The following C1orf21 variants were observed in gnomAD, a reference collection of about 807,000 sequenced individuals.
C1orf21 encodes the protein uncharacterized protein C1orf21.
A neutral mutation model predicts 18.7 loss-of-function variants in C1orf21; 3 were observed. The observed-to-expected ratio is 0.16, with a 90% CI of 0.07 to 0.42. The LOEUF (loss-of-function observed/expected upper bound fraction) is 0.42. C1orf21 is among the 10% of genes least tolerant of loss of function. The pLI, the probability that C1orf21 is intolerant of heterozygous loss-of-function variation, is 0.99. For synonymous variants in C1orf21, 41 were observed against 46.4 expected (o/e 0.88, Z 0.47); for missense variants, 104 against 143.6 (o/e 0.72, Z 1.41).
intron 2 of C1orf21, among the ~76,000 whole-genome samples, chr1:184,504,511 T>C (rs1036847684): frequency 2.6e-5 from 4 of 152,322 alleles, no homozygotes; most frequent in East Asian, 3.9e-4. Flanking sequence ...GCTTCATTCA[T>C]TCGCTCAGAG....
intron 1 of C1orf21, among the ~76,000 whole-genome samples, chr1:184,427,732 T>A (rs2101969300): frequency 6.6e-6 from 1 of 152,314 alleles, no homozygotes; most frequent in East Asian, 1.9e-4. Flanking sequence ...CTGCCTTCAA[T>A]TTCAGGCATT....
Position 184,554,684 on chromosome 1 carries a change from A to G in C1orf21, c.190-36055A>G, listed in dbSNP as rs140791049. ...ATAAAACAAACACCAATTCAAGGAA[A>G]TCTGTATAACAAATGTTTGTAAACT... On this transcript the variant is annotated intron_variant, in intron 3 of 5. Coordinates refer to ENST00000235307, the MANE Select transcript of C1orf21 (RefSeq NM_030806.4). 9.6e-3 allele frequency among the ~76,000 whole-genome samples: 1,463 copies of G among 152,348 alleles called. 25 individuals are homozygous for G. Among genetic ancestry groups the G allele is most frequent in the African/African-American group, 0.033 (1,358 of 41,568 alleles).
intron 1 of C1orf21, among the ~76,000 whole-genome samples, chr1:184,436,773 G>T (rs768287771): frequency 6.6e-6 from 1 of 152,258 alleles, no homozygotes; most frequent in Non-Finnish European, 1.5e-5. Context: ...TTTGTGCTGG[G>T]AATATGGCTG....
intron 1 of C1orf21, among the ~76,000 whole-genome samples, chr1:184,471,250 T>C (rs1404513772): frequency 6.6e-6 from 1 of 152,064 alleles, no homozygotes; most frequent in Non-Finnish European, 1.5e-5. Flanking sequence ...GAAGAAGAAA[T>C]AGGGGATCTA....
intron 1 of C1orf21, among the ~76,000 whole-genome samples, chr1:184,399,020 G>A (rs1656106634): frequency 6.6e-6 from 1 of 151,418 alleles, no homozygotes; most frequent in Admixed American, 6.6e-5. Flanking sequence ...TAGTCAGAAA[G>A]CAAATTTCCT....
chr1:184,597,571 A>G (rs1041910665), intron 4 of C1orf21, among the ~76,000 whole-genome samples: 2 of 152,058 alleles, frequency 1.3e-5, no homozygotes, highest in Non-Finnish European at 2.9e-5. Context: ...ACTCTGTGTG[A>G]TAACGTGTCT....
intron 1 of C1orf21, among the ~76,000 whole-genome samples, chr1:184,448,846 TTTCTAAG>T (rs1657072919): frequency 6.6e-6 from 1 of 152,164 alleles, no homozygotes; most frequent in Non-Finnish European, 1.5e-5. Context: ...AGTCCCTGCC[TTTCTAAG>T]TTCTAAGTTC....
chr1:184,546,538 A>T (rs1005371604), intron 3 of C1orf21, among the ~76,000 whole-genome samples: 3 of 152,202 alleles, frequency 2.0e-5, no homozygotes, highest in Admixed American at 6.5e-5. Flanking sequence ...GCCCTAATGG[A>T]TCTTACCATC....
intron 2 of C1orf21, among the ~76,000 whole-genome samples, chr1:184,497,679 T>A (rs1435195298): frequency 6.6e-6 from 1 of 152,230 alleles, no homozygotes; most frequent in Non-Finnish European, 1.5e-5. Flanking sequence ...AGAGAATTAC[T>A]TGAGCTGAAA....
At chr1:184,522,649 T>C (rs915178001) in intron 3 of C1orf21, among the ~76,000 whole-genome samples, 12 of 152,192 alleles carry the variant, frequency 7.9e-5, no homozygotes, top group African/African-American at 2.7e-4. Flanking sequence ...GATTACACTA[T>C]TAATCTAGTG....
At chr1:184,441,374 G>C (rs1656942851) in intron 1 of C1orf21, among the ~76,000 whole-genome samples, 1 of 152,206 alleles carries the variant, frequency 6.6e-6, no homozygotes, top group South Asian at 2.1e-4. Flanking sequence ...CGAAGACCTG[G>C]TTTGTCCAGA....
chr1:184,501,459 C>T (rs1024299639), intron 2 of C1orf21, among the ~76,000 whole-genome samples: 4 of 152,170 alleles, frequency 2.6e-5, no homozygotes, highest in African/African-American at 9.7e-5. Context: ...TCCGCTTAAC[C>T]TTGATTAGGG....
chr1:184,413,750 T>C (rs1388609075), intron 1 of C1orf21, among the ~76,000 whole-genome samples: 1 of 152,174 alleles, frequency 6.6e-6, no homozygotes, highest in African/African-American at 2.4e-5. Context: ...GAAGTGTCTC[T>C]ACCATGAAAA....
intron 4 of C1orf21, among the ~76,000 whole-genome samples, chr1:184,595,574 C>A (rs781661151): frequency 1.3e-5 from 2 of 152,086 alleles, no homozygotes; most frequent in Non-Finnish European, 2.9e-5. Context: ...AAATTCTGTC[C>A]CTGCCCCATT....
intron 5 of C1orf21, among the ~76,000 whole-genome samples, chr1:184,613,997 ACT>A (rs939036571): frequency 9.2e-5 from 14 of 152,060 alleles, no homozygotes; most frequent in African/African-American, 3.1e-4. Flanking sequence ...GCAGAGCAAG[ACT>A]CTCTCTGAAG....
intron 1 of C1orf21, among the ~76,000 whole-genome samples, chr1:184,444,751 T>G (rs1192669373): frequency 6.6e-6 from 1 of 152,184 alleles, no homozygotes; most frequent in East Asian, 1.9e-4. Flanking sequence ...AAAAAAGTGC[T>G]ATTTTCAAGC....
At chr1:184,555,631 G>T (rs1005078522) in intron 3 of C1orf21, among the ~76,000 whole-genome samples, 3 of 151,812 alleles carry the variant, frequency 2.0e-5, no homozygotes, top group African/African-American at 7.3e-5. Flanking sequence ...GCAGCCTTGT[G>T]CCCCCATTTT....
intron 2 of C1orf21, among the ~76,000 whole-genome samples, chr1:184,492,980 T>G (rs1023100143): frequency 3.3e-5 from 5 of 152,244 alleles, no homozygotes; most frequent in African/African-American, 9.6e-5. Context: ...GTTTATTAAC[T>G]TATATAGCTG....
intron 1 of C1orf21, among the ~76,000 whole-genome samples, chr1:184,416,069 C>A (rs1227043927): frequency 6.6e-6 from 1 of 152,166 alleles, no homozygotes; most frequent in Non-Finnish European, 1.5e-5. Context: ...CAAACCACAT[C>A]TTCATAGGAA....
Sources: gnomAD v4.1 joint callset for allele counts (sites outside exome capture counted in the v4.1 genomes callset) on GRCh38, gnomAD v4.1.1 for gene constraint, MANE v1.5 for transcripts, NCBI Gene and HGNC (gene_info 2026-07-23, HGNC 2026-07-21) for gene names.